ERGIC1: variants seen among roughly 807,000 people sequenced by gnomAD.
ERGIC1 encodes endoplasmic reticulum-Golgi intermediate compartment protein 1.
Under a neutral mutation model 38.3 loss-of-function variants are expected in ERGIC1, and 19 were observed. The observed-to-expected ratio is 0.50, with a 90% CI of 0.35 to 0.73. The LOEUF (loss-of-function observed/expected upper bound fraction) is 0.73, where lower values mean the gene tolerates loss of function less well. Ranked by LOEUF, ERGIC1 falls within the 30% of genes least tolerant of loss-of-function variation. The pLI, the probability that ERGIC1 is intolerant of heterozygous loss-of-function variation, is 0.01. For missense variants in ERGIC1, 294 were observed against 389.2 expected (o/e 0.76, Z 2.06); for synonymous variants, 124 against 157.6 (o/e 0.79, Z 1.60).
chr5:172,835,427 G>C (rs1236691753), intron 1 of ERGIC1, among the ~76,000 whole-genome samples: 1 of 152,126 alleles, frequency 6.6e-6, no homozygotes, highest in African/African-American at 2.4e-5. Context: ...CCTGCAAATT[G>C]GGGCTAAAAA....
chr5:172,946,354 C>T (rs901111672), intron 9 of ERGIC1, among the ~76,000 whole-genome samples: 4 of 152,326 alleles, frequency 2.6e-5, no homozygotes, highest in African/African-American at 7.2e-5. Flanking sequence ...TGCCAATCAG[C>T]GTCTTCCCTC....
intron 8 of ERGIC1, chr5:172,934,816 G>A (rs1011981039): frequency 2.0e-5 from 6 of 298,130 alleles, no homozygotes; most frequent in African/African-American, 6.4e-5. Flanking sequence ...CAGTGGAGGC[G>A]TTCAGCAAAC....
intron 1 of ERGIC1, among the ~76,000 whole-genome samples, chr5:172,864,743 C>A (rs1383957526): frequency 1.3e-5 from 2 of 149,896 alleles, no homozygotes; most frequent in African/African-American, 2.5e-5. Flanking sequence ...ATTAACATGT[C>A]CCCCCCCCTT....
chr5:172,895,614 G>A (rs1015179142), intron 2 of ERGIC1, among the ~76,000 whole-genome samples: 1 of 152,100 alleles, frequency 6.6e-6, no homozygotes, highest in Non-Finnish European at 1.5e-5. Context: ...CCGATAAAAT[G>A]TGGGACATGT....
At chr5:172,867,409 G>A (rs370064756) in intron 1 of ERGIC1, 8 of 396,092 alleles carry the variant, frequency 2.0e-5, no homozygotes, top group Admixed American at 1.4e-4. Context: ...ACTGCTGGCT[G>A]CTGCCCGTAA....
chr5:172,867,719 C>T (rs1254264852), intron 1 of ERGIC1: 1 of 231,788 alleles, frequency 4.3e-6, no homozygotes, highest in African/African-American at 2.3e-5. Flanking sequence ...ATTTCCCTTT[C>T]CATCTGCAAA....
chr5:172,835,214 A>C (rs752112151), intron 1 of ERGIC1, among the ~76,000 whole-genome samples: 1 of 152,186 alleles, frequency 6.6e-6, no homozygotes, highest in Non-Finnish European at 1.5e-5. Context: ...TCCTGGCCTG[A>C]GGCAGCCACA....
chr5:172,921,255 C>T (rs143586101), intron 5 of ERGIC1, among the ~76,000 whole-genome samples: 1 of 152,354 alleles, frequency 6.6e-6, no homozygotes, highest in East Asian at 1.9e-4. Context: ...AAGTGTAGAA[C>T]TCAGAGCAAC....
intron 4 of ERGIC1, among the ~76,000 whole-genome samples, chr5:172,914,254 A>AAAATAAAAAAT (rs1554112480): frequency 7.6e-6 from 1 of 131,240 alleles, no homozygotes; most frequent in Non-Finnish European, 1.6e-5. Flanking sequence ...AAAAAAAAAA[A>AAAATAAAAAAT]AAATACAAAG....
chr5:172,918,529 G>A (rs187668838), intron 5 of ERGIC1, among the ~76,000 whole-genome samples: 11 of 152,352 alleles, frequency 7.2e-5, no homozygotes, highest in East Asian at 5.8e-4. Context: ...AAGGCTGGGC[G>A]GAACCTGCAG....
chr5:172,839,034 A>C (rs1761095138), intron 1 of ERGIC1, among the ~76,000 whole-genome samples: 1 of 152,024 alleles, frequency 6.6e-6, no homozygotes, highest in South Asian at 2.1e-4. Context: ...TGAGGTCAGG[A>C]GTTTGAGACC....
chr5:172,946,996 C>T (rs1054833743), intron 9 of ERGIC1, among the ~76,000 whole-genome samples: 2 of 151,738 alleles, frequency 1.3e-5, no homozygotes, highest in African/African-American at 4.8e-5. Flanking sequence ...CTATCCTGGC[C>T]AACATGGTAA....
chr5:172,940,160 A>G (rs987997830), intron 9 of ERGIC1, among the ~76,000 whole-genome samples: 21 of 152,178 alleles, frequency 1.4e-4, no homozygotes, highest in African/African-American at 4.8e-4. Context: ...TCCCAGATGC[A>G]TTGCCAAGTG....
At chr5:172,923,538 A>G (rs1205392656) in intron 5 of ERGIC1, among the ~76,000 whole-genome samples, 3 of 152,184 alleles carry the variant, frequency 2.0e-5, no homozygotes, top group African/African-American at 7.2e-5. Flanking sequence ...AGGCTACCAC[A>G]GTCTGTCCAT....
intron 3 of ERGIC1, among the ~76,000 whole-genome samples, chr5:172,902,731 A>G (rs809897): frequency 0.73 from 110,210 of 151,998 alleles, 40,166 homozygotes; most frequent in African/African-American, 0.81. Context: ...GCTCCGGAGC[A>G]CGTGCTTGCA....
intron 1 of ERGIC1, among the ~76,000 whole-genome samples, chr5:172,849,025 C>T (rs950782183): frequency 6.6e-6 from 1 of 152,066 alleles, no homozygotes; most frequent in African/African-American, 2.4e-5. Flanking sequence ...GTAAGGCAGC[C>T]GGGAGAAGAC....
intron 1 of ERGIC1, among the ~76,000 whole-genome samples, chr5:172,863,650 C>G (rs561186941): frequency 6.6e-6 from 1 of 152,206 alleles, no homozygotes; most frequent in African/African-American, 2.4e-5. Context: ...CTCTCAACTT[C>G]ATAGCATTTT....
intron 8 of ERGIC1, 84 bp from the exon 9 acceptor site, chr5:172,935,104 G>A: frequency 6.2e-7 from 1 of 1,600,018 alleles, no homozygotes; most frequent in Non-Finnish European, 8.5e-7. Flanking sequence ...TTTCTGGAGG[G>A]TTGCTGGGGG....
chr5:172,902,612 G>T (rs537339185), intron 3 of ERGIC1, among the ~76,000 whole-genome samples: 1 of 152,184 alleles, frequency 6.6e-6, no homozygotes, highest in Admixed American at 6.5e-5. Context: ...TGGAGCAGGG[G>T]TGGGCAGAAC....
Sources: gnomAD v4.1 joint callset for allele counts (sites outside exome capture counted in the v4.1 genomes callset) on GRCh38, gnomAD v4.1.1 for gene constraint, MANE v1.5 for transcripts, NCBI Gene and HGNC (gene_info 2026-07-23, HGNC 2026-07-21) for gene names.